Variants in FMN2 observed in about 807,000 individuals in gnomAD.
The protein encoded by FMN2 is formin-2.
Under a neutral mutation model 142.3 loss-of-function variants are expected in FMN2, and 51 were observed. The observed-to-expected ratio is 0.36, with a 90% CI of 0.29 to 0.45. FMN2 has a LOEUF of 0.45. Ranked by LOEUF, FMN2 falls within the 20% of genes least tolerant of loss-of-function variation. The pLI, the probability that FMN2 is intolerant of heterozygous loss-of-function variation, is 1.00. For synonymous variants in FMN2, 882 were observed against 869.8 expected, an observed-to-expected ratio of 1.01 and a Z score of -0.25; for missense variants, 1,936 against 2,122.8, an observed-to-expected ratio of 0.91 and a Z score of 1.73.
At chr1:240,356,579 CTT>C (rs1429302006) in intron 14 of FMN2, among the ~76,000 whole-genome samples, 1 of 152,084 alleles carries the variant, frequency 6.6e-6, no homozygotes, top group African/African-American at 2.4e-5. Context: ...ATCACTGAAA[CTT>C]ATAATTATAT....
chr1:240,389,603 A>G (rs747360363), intron 14 of FMN2, among the ~76,000 whole-genome samples: 1 of 152,182 alleles, frequency 6.6e-6, no homozygotes, highest in African/African-American at 2.4e-5. Context: ...CACCCTCACT[A>G]TGTAAAGCAA....
At chr1:240,116,956 T>C (rs1027288641) in intron 1 of FMN2, among the ~76,000 whole-genome samples, 1 of 151,604 alleles carries the variant, frequency 6.6e-6, no homozygotes, top group Non-Finnish European at 1.5e-5. Flanking sequence ...GTGATGTGGC[T>C]CAAGGGAGGA....
chr1:240,457,117 T>A (rs1676274718), intron 16 of FMN2, among the ~76,000 whole-genome samples: 1 of 152,092 alleles, frequency 6.6e-6, no homozygotes, highest in African/African-American at 2.4e-5. Flanking sequence ...ACCTCTCAAC[T>A]TACCACTTCC....
At chr1:240,211,358 C>A in intron 6 of FMN2, 123 bp downstream of exon 6, 1 of 895,652 alleles carries the variant, frequency 1.1e-6, no homozygotes, top group Non-Finnish European at 1.7e-6. Context: ...AGGCAGACAG[C>A]AAGGGTTAGA....
intron 2 of FMN2, chr1:240,144,202 C>T (rs1235074979): frequency 7.3e-6 from 11 of 1,509,390 alleles, no homozygotes; most frequent in South Asian, 2.2e-5. Context: ...TTGCCATCAT[C>T]GTTAGCAGCT....
At chr1:240,227,623 G>T (rs914805972) in intron 6 of FMN2, among the ~76,000 whole-genome samples, 9 of 152,114 alleles carry the variant, frequency 5.9e-5, no homozygotes, top group African/African-American at 2.2e-4. Context: ...GAATATATTT[G>T]AGAGTCCAGA....
chr1:240,453,635 G>A (rs1676131718), intron 16 of FMN2, among the ~76,000 whole-genome samples: 2 of 152,148 alleles, frequency 1.3e-5, no homozygotes, highest in African/African-American at 4.8e-5. Context: ...TGGAAAAGGA[G>A]GAGAATGAGA....
At chr1:240,322,452 G>A (rs1201712560) in intron 8 of FMN2, among the ~76,000 whole-genome samples, 2 of 152,090 alleles carry the variant, frequency 1.3e-5, no homozygotes, top group Non-Finnish European at 2.9e-5. Context: ...CTTGCCAGGC[G>A]TGCCAACACT....
intron 3 of FMN2, among the ~76,000 whole-genome samples, chr1:240,185,321 A>G (rs1665392815): frequency 6.6e-6 from 1 of 151,844 alleles, no homozygotes; most frequent in South Asian, 2.1e-4. Context: ...GTTATTCTGT[A>G]CATCTCTTTC....
At chr1:240,128,268 C>G (rs952944114) in intron 2 of FMN2, among the ~76,000 whole-genome samples, 1 of 152,092 alleles carries the variant, frequency 6.6e-6, no homozygotes, top group Non-Finnish European at 1.5e-5. Flanking sequence ...AATGAGATCC[C>G]TTTTTTTGGG....
chr1:240,187,764 G>A (rs1324906766), intron 3 of FMN2, among the ~76,000 whole-genome samples: 6 of 152,116 alleles, frequency 3.9e-5, no homozygotes, highest in East Asian at 3.9e-4. Flanking sequence ...GACAGTGTTC[G>A]TTATCTCTTG....
At chr1:240,254,620 G>A (rs753339338) in intron 6 of FMN2, among the ~76,000 whole-genome samples, 5 of 152,126 alleles carry the variant, frequency 3.3e-5, no homozygotes, top group Non-Finnish European at 7.4e-5. Context: ...AGGCCCTGCT[G>A]CTGGGGAGGG....
At chr1:240,301,972 T>A (rs1670217494) in intron 8 of FMN2, among the ~76,000 whole-genome samples, 1 of 152,000 alleles carries the variant, frequency 6.6e-6, no homozygotes, top group Admixed American at 6.6e-5. Context: ...TCTCCCAGTT[T>A]CTCTCCTCTC....
At chr1:240,283,838 G>A (rs7524248) in intron 7 of FMN2, among the ~76,000 whole-genome samples, 8,595 of 152,194 alleles carry the variant, frequency 0.056, 797 homozygotes, top group African/African-American at 0.2. Flanking sequence ...ACAGCAGTTC[G>A]TCCACATTTA....
Position 240,213,072 on chromosome 1 carries a change from A to G in FMN2, c.4065+1837A>G, listed in dbSNP as rs563299347. Among the ~76,000 whole-genome samples the G allele has an allele frequency of 1.4e-4, 21 of 152,296 alleles. No individual in the cohort carries two copies. In the East Asian group the frequency reaches 3.9e-3, roughly 28 times the overall value. On this transcript the variant is annotated intron_variant, in intron 6 of 17. Transcript: ENST00000319653. Reference sequence around the variant, plus strand: ...TTGACATAGTATTAAGTTTTAGCTTACTGAAATATGATTTACATGTAAATC... The same window carrying G: ...TTGACATAGTATTAAGTTTTAGCTTGCTGAAATATGATTTACATGTAAATC...
chr1:240,097,030 G>A lies in FMN2; in HGVS notation c.1615+3306G>A, dbSNP rs569149430. 2.6e-5 allele frequency among the ~76,000 whole-genome samples: 4 copies of A among 152,234 alleles called. No individual in the cohort carries two copies. In the East Asian group the frequency reaches 7.7e-4, roughly 29 times the overall value. ...TACATATTAAGTATAACAGAAGCTTGGTACTGGAGTTTTGCAGTTAATTAA... is the reference window on the plus strand; with the variant it reads ...TACATATTAAGTATAACAGAAGCTTAGTACTGGAGTTTTGCAGTTAATTAA... On this transcript the variant is annotated intron_variant, in intron 1 of 17. Transcript: ENST00000319653.
chr1:240,432,561 T>C (rs1572303446), intron 15 of FMN2, among the ~76,000 whole-genome samples: 1 of 151,982 alleles, frequency 6.6e-6, no homozygotes, highest in Non-Finnish European at 1.5e-5. Flanking sequence ...TCCTTTACAG[T>C]TTCTTGAGTT....
chr1:240,193,356 G>T lies in FMN2; in HGVS notation c.1986+5094G>T, dbSNP rs562596031. Among the ~76,000 whole-genome samples the T allele has an allele frequency of 4.4e-4, 67 of 152,292 alleles. No homozygotes were observed. The South Asian group carries it at 0.013, about 29-fold the overall frequency. On this transcript the variant is annotated intron_variant, in intron 4 of 17. Transcript: ENST00000319653. ...GGTATTAAGAAGCAGACAGTTAGAA[G>T]AACATACCTCTTTCACGTACATGAA...
At chr1:240,123,901 A>G (rs1314010127) in intron 2 of FMN2, among the ~76,000 whole-genome samples, 1 of 152,218 alleles carries the variant, frequency 6.6e-6, no homozygotes, top group African/African-American at 2.4e-5. Context: ...TAGGTAGCTC[A>G]TATAAGTGGA....
Sources: gnomAD v4.1 joint callset for allele counts (sites outside exome capture counted in the v4.1 genomes callset) on GRCh38, gnomAD v4.1.1 for gene constraint, MANE v1.5 for transcripts, NCBI Gene and HGNC (gene_info 2026-07-23, HGNC 2026-07-21) for gene names.